Variants in RIMS1 observed in about 807,000 individuals in gnomAD.
RIMS1 encodes the protein regulating synaptic membrane exocytosis protein 1.
RIMS1 carries 83 observed loss-of-function variants against 214.1 expected under a neutral mutation model. The ratio of observed to expected loss-of-function variants is 0.39; its 90% CI spans 0.32 to 0.47. The LOEUF (loss-of-function observed/expected upper bound fraction) is 0.47, where lower values mean the gene tolerates loss of function less well. Ranked by LOEUF, RIMS1 falls within the 20% of genes least tolerant of loss-of-function variation. The pLI is 0.99. For missense variants in RIMS1, 2,050 were observed against 2,161.8 expected, an observed-to-expected ratio of 0.95 and a Z score of 1.03; for synonymous variants, 793 against 786.8, an observed-to-expected ratio of 1.01 and a Z score of -0.13.
At chr6:72,143,213 A>T (rs1469916648) in intron 4 of RIMS1, among the ~76,000 whole-genome samples, 1 of 152,202 alleles carries the variant, frequency 6.6e-6, no homozygotes, top group Non-Finnish European at 1.5e-5. Flanking sequence ...GAGCAGAAAG[A>T]TATATTATTT....
chr6:72,045,769 C>T (rs1469901163), intron 2 of RIMS1, among the ~76,000 whole-genome samples: 3 of 150,860 alleles, frequency 2.0e-5, no homozygotes, highest in Non-Finnish European at 4.4e-5. Context: ...TAAATATTTT[C>T]CAGATGTTTA....
intron 4 of RIMS1, among the ~76,000 whole-genome samples, chr6:72,147,977 C>T (rs1395416963): frequency 2.0e-5 from 3 of 152,172 alleles, no homozygotes; most frequent in Non-Finnish European, 4.4e-5. Context: ...CTGTGGAGCC[C>T]TATTGACCCT....
intron 2 of RIMS1, among the ~76,000 whole-genome samples, chr6:71,998,217 T>C (rs1804065285): frequency 6.6e-6 from 1 of 152,162 alleles, no homozygotes; most frequent in Non-Finnish European, 1.5e-5. Context: ...GTTTCTAAAA[T>C]TTAGAATATT....
Position 72,392,820 on chromosome 6 carries a change from A to AT in RIMS1, c.4618+20dup, listed in dbSNP as rs113359739. The AT allele has an allele frequency of 0.034, 47,053 of 1,392,836 alleles. 241 individuals are homozygous for AT. The highest frequency in any genetic ancestry group is 0.039 in the Non-Finnish European group (40,125 of 1,017,464). The allele number at this position is 1,392,836 out of a possible 1,614,324, so 86.3% of individuals were successfully genotyped here. Reference sequence around the variant, plus strand: ...GCCACCCCTGCAATGGGTAAGAATCATTTTTTTTTTCTACAAGAAAATTGA... The same window carrying AT: ...GCCACCCCTGCAATGGGTAAGAATCATTTTTTTTTTTCTACAAGAAAATTGA... On this transcript the variant is annotated intron_variant, in intron 31 of 33. Coordinates refer to ENST00000521978, the MANE Select transcript of RIMS1 (RefSeq NM_014989.7).
intron 19 of RIMS1, chr6:72,261,538 T>G: frequency 2.2e-6 from 2 of 922,140 alleles, no homozygotes; most frequent in Non-Finnish European, 2.6e-6. Context: ...TATAAATACT[T>G]AATGTATATT....
chr6:72,075,424 G>T (rs995020703), intron 2 of RIMS1, among the ~76,000 whole-genome samples: 8 of 149,092 alleles, frequency 5.4e-5, no homozygotes, highest in Non-Finnish European at 1.2e-4. Flanking sequence ...AGTATTTTCA[G>T]ACAGGAAAAG....
chr6:72,123,337 C>G (rs572752713), intron 4 of RIMS1, among the ~76,000 whole-genome samples: 1 of 151,782 alleles, frequency 6.6e-6, no homozygotes, highest in Non-Finnish European at 1.5e-5. Flanking sequence ...GCCTGAGAGA[C>G]AGTTTGTTGT....
chr6:72,075,273 C>CA (rs1211530574), intron 2 of RIMS1, among the ~76,000 whole-genome samples: 3 of 151,942 alleles, frequency 2.0e-5, no homozygotes, highest in East Asian at 1.9e-4. Flanking sequence ...CAAAACAAAA[C>CA]AAACAAAAAA....
At chr6:72,191,837 TGCACAG>T (rs1287227977) in intron 6 of RIMS1, among the ~76,000 whole-genome samples, 6 of 152,224 alleles carry the variant, frequency 3.9e-5, no homozygotes, top group Non-Finnish European at 7.3e-5. Flanking sequence ...ATCTGTCTTC[TGCACAG>T]GCCAAATAGG....
At chr6:72,154,936 TG>T (rs1470003188) in intron 4 of RIMS1, among the ~76,000 whole-genome samples, 2 of 140,586 alleles carry the variant, frequency 1.4e-5, no homozygotes, top group African/African-American at 2.5e-5. Flanking sequence ...TGAGAGAGGC[TG>T]GGAGCAGGAA....
intron 28 of RIMS1, among the ~76,000 whole-genome samples, chr6:72,328,404 A>G (rs9446619): frequency 0.018 from 2,690 of 151,762 alleles, 84 homozygotes; most frequent in African/African-American, 0.063. Context: ...TATGTAACAA[A>G]CCTTCATGTT....
chr6:72,008,795 G>C (rs904934434), intron 2 of RIMS1, among the ~76,000 whole-genome samples: 17 of 152,204 alleles, frequency 1.1e-4, no homozygotes, highest in Admixed American at 2.6e-4. Flanking sequence ...ATATATGCAT[G>C]CAATACAGGA....
intron 1 of RIMS1, among the ~76,000 whole-genome samples, chr6:71,913,187 T>C (rs1467333261): frequency 6.6e-6 from 1 of 152,170 alleles, no homozygotes; most frequent in Non-Finnish European, 1.5e-5. Flanking sequence ...ATGTGAAATA[T>C]TTTATCATTA....
Position 72,182,731 on chromosome 6 carries a change from G to C in RIMS1, c.1260G>C (p.Ser420=). 2.0e-6 allele frequency: 3 copies of C among 1,534,316 alleles called. No individual in the cohort carries two copies. The highest frequency in any genetic ancestry group is 2.4e-5 in the South Asian group (2 of 83,494). Residue 420 remains serine (S), a synonymous_variant, in exon 6 of 34, where the codon TCG becomes TCC. Transcript: ENST00000521978. ...GKRAPAAARA[S]PPDSPRAYSA... ...GCGCGCCGGCGGCAGCCAGGGCCTC[G>C]CCGCCGGACTCGCCGCGGGCTTACT... is the stretch of plus-strand genomic sequence containing the variant.
At chr6:72,091,174 C>T (rs9341359) in intron 2 of RIMS1, among the ~76,000 whole-genome samples, 51,136 of 152,068 alleles carry the variant, frequency 0.34, 10,095 homozygotes, top group South Asian at 0.47. Flanking sequence ...CCTGCTTTTA[C>T]CTCAGAGAAA....
chr6:72,238,732 C>T (rs2065376049), intron 9 of RIMS1, among the ~76,000 whole-genome samples: 1 of 152,066 alleles, frequency 6.6e-6, no homozygotes, highest in Non-Finnish European at 1.5e-5. Flanking sequence ...ACAGAGTTGG[C>T]TGAGCTGTAG....
At chr6:72,225,864 T>G (rs1323886368) in intron 6 of RIMS1, among the ~76,000 whole-genome samples, 2 of 152,214 alleles carry the variant, frequency 1.3e-5, no homozygotes, top group African/African-American at 2.4e-5. Flanking sequence ...TGATTTGTTA[T>G]CCAGGTTATC....
At chr6:72,387,660 A>C (rs2098636668) in intron 29 of RIMS1, among the ~76,000 whole-genome samples, 1 of 152,242 alleles carries the variant, frequency 6.6e-6, no homozygotes, top group South Asian at 2.1e-4. Flanking sequence ...AGAGTCCAAA[A>C]AGGGGATAGG....
chr6:72,141,737 A>C (rs1199924027), intron 4 of RIMS1, among the ~76,000 whole-genome samples: 8 of 152,134 alleles, frequency 5.3e-5, no homozygotes, highest in African/African-American at 1.9e-4. Flanking sequence ...TAGTGAAAAA[A>C]ATCTTTGGTG....
Sources: allele counts gnomAD v4.1 joint callset (sites outside exome capture counted in the v4.1 genomes callset), GRCh38; gene constraint gnomAD v4.1.1; transcripts MANE v1.5; gene names NCBI Gene and HGNC (gene_info 2026-07-23, HGNC 2026-07-21).